The following NME8 variants were observed in gnomAD, a reference collection of about 807,000 sequenced individuals.
NME8 encodes the protein NME/NM23 family member 8.
NME8 carries 72 observed loss-of-function variants against 82.3 expected under a neutral mutation model. The ratio of observed to expected loss-of-function variants is 0.87; its 90% CI spans 0.72 to 1.06. The LOEUF (loss-of-function observed/expected upper bound fraction) is 1.06. Ranked by LOEUF, NME8 falls within the 50% of genes least tolerant of loss-of-function variation. The pLI, the probability that NME8 is intolerant of heterozygous loss-of-function variation, is 0.00. For missense variants in NME8, 712 were observed against 685.4 expected, an observed-to-expected ratio of 1.04 and a Z score of -0.43; for synonymous variants, 267 against 228.5, an observed-to-expected ratio of 1.17 and a Z score of -1.52.
intron 5 of NME8, among the ~76,000 whole-genome samples, chr7:37,851,440 T>G (rs948615611): frequency 6.6e-6 from 1 of 152,196 alleles, no homozygotes; most frequent in Non-Finnish European, 1.5e-5. Flanking sequence ...ACTACTTAAC[T>G]GTAAATGTTA....
At chr7:37,861,922 G>T in intron 6 of NME8, 106 bp from the exon 7 acceptor site, 1 of 796,980 alleles carries the variant, frequency 1.3e-6, no homozygotes, top group Non-Finnish European at 2.3e-6. Context: ...GATTCATGAG[G>T]ATGAGAGTAG....
At chr7:37,866,324 C>T (rs777463178) in intron 10 of NME8, among the ~76,000 whole-genome samples, 1 of 152,144 alleles carries the variant, frequency 6.6e-6, no homozygotes, top group Admixed American at 6.6e-5. Context: ...AGAGCATGTA[C>T]GTCATCACAT....
intron 5 of NME8, among the ~76,000 whole-genome samples, chr7:37,854,021 C>T (rs1583625428): frequency 6.6e-6 from 1 of 150,772 alleles, no homozygotes; most frequent in East Asian, 1.9e-4. Context: ...TAGAGTTGAC[C>T]CTTACCAATG....
In NME8 at chr7:37,867,573, A is replaced by T; in HGVS notation, c.622-129A>T. ...AAAATGTATTGTTAACAGGAGATTT[A>T]TAAGAGTAACATTCCTTTGCCCAGG... On this transcript the variant is annotated intron_variant, in intron 10 of 17. Transcript: ENST00000199447. 1.2e-5 allele frequency: 9 copies of T among 728,076 alleles called. 2 individuals carry two copies. The South Asian group carries it at 1.4e-4, about 11-fold the overall frequency. The allele number at this position is 728,076 out of a possible 1,614,324, so 45.1% of individuals were successfully genotyped here. A position where few individuals can be genotyped will look rare whatever the true frequency, so the allele number is the denominator to read the frequency against.
At chr7:37,878,823 A>G (rs1466915958) in intron 12 of NME8, among the ~76,000 whole-genome samples, 1 of 152,204 alleles carries the variant, frequency 6.6e-6, no homozygotes, top group African/African-American at 2.4e-5. Flanking sequence ...AACATCATGT[A>G]TTACTGTGAT....
At chr7:37,898,894 TA>T (rs1227058042) in intron 17 of NME8, among the ~76,000 whole-genome samples, 3 of 151,812 alleles carry the variant, frequency 2.0e-5, no homozygotes, top group Non-Finnish European at 4.4e-5. Context: ...ATTGCCAGGA[TA>T]AAAAAAATAG....
chr7:37,858,039 A>G (rs1001416157), intron 6 of NME8, among the ~76,000 whole-genome samples: 10 of 152,214 alleles, frequency 6.6e-5, no homozygotes, highest in Admixed American at 2.6e-4. Flanking sequence ...TCCATTTTCA[A>G]AAATAAGTAA....
intron 15 of NME8, 56 bp downstream of exon 15, chr7:37,888,484 T>A: frequency 1.3e-6 from 2 of 1,526,942 alleles, no homozygotes; most frequent in Non-Finnish European, 1.8e-6. Flanking sequence ...TTTGTGAACA[T>A]TTAAAAAATT....
At chr7:37,862,838 G>T (rs575540362) in intron 7 of NME8, among the ~76,000 whole-genome samples, 2 of 151,958 alleles carry the variant, frequency 1.3e-5, no homozygotes, top group Non-Finnish European at 2.9e-5. Flanking sequence ...TTTAAGGTTT[G>T]GCTGGGTGCG....
chr7:37,861,971 A>C, intron 6 of NME8, 57 bp from the exon 7 acceptor site: 2 of 1,042,314 alleles, frequency 1.9e-6, no homozygotes, highest in Non-Finnish European at 1.5e-6. Context: ...TTTAAGTGTT[A>C]GTTCTTGGTG....
At chr7:37,898,305 C>G (rs1381138020) in intron 17 of NME8, among the ~76,000 whole-genome samples, 1 of 152,156 alleles carries the variant, frequency 6.6e-6, no homozygotes, top group Non-Finnish European at 1.5e-5. Flanking sequence ...TCTGGATAAT[C>G]ATTTGGCAGT....
chr7:37,877,448 C>T (rs949231067), intron 12 of NME8, among the ~76,000 whole-genome samples: 1 of 152,052 alleles, frequency 6.6e-6, no homozygotes, highest in Admixed American at 6.6e-5. Flanking sequence ...TAATCTCATC[C>T]CATATTCTTA....
intron 5 of NME8, among the ~76,000 whole-genome samples, chr7:37,856,855 G>A (rs1784519336): frequency 6.6e-6 from 1 of 152,118 alleles, no homozygotes; most frequent in Admixed American, 6.6e-5. Context: ...AGGTGTAACA[G>A]GCCCACACGT....
At chr7:37,870,324 C>T (rs772138758) in intron 11 of NME8, among the ~76,000 whole-genome samples, 25 of 151,882 alleles carry the variant, frequency 1.6e-4, no homozygotes, top group African/African-American at 4.6e-4. Flanking sequence ...GGTGCGGTGG[C>T]TCATGCTTGT....
chr7:37,873,110 G>C (rs941470864), intron 11 of NME8, among the ~76,000 whole-genome samples: 5 of 152,306 alleles, frequency 3.3e-5, no homozygotes, highest in Non-Finnish European at 5.9e-5. Context: ...TTATGGGCCA[G>C]ATGCCGTGGC....
In NME8 at chr7:37,857,190, A is replaced by C. The variant is rs1464975240; in HGVS notation, c.199-84A>C. 7 of 1,053,596 alleles carry C rather than the reference A, an allele frequency of 6.6e-6. No individual in the cohort carries two copies. In the Admixed American group the frequency reaches 1.1e-4, roughly 17 times the overall value. 65.3% of individuals were successfully genotyped at this position (1,053,596 alleles called of 1,614,324 possible). A position where few individuals can be genotyped will look rare whatever the true frequency, so the allele number is the denominator to read the frequency against. On this transcript the variant is annotated intron_variant, in intron 5 of 17. Coordinates refer to ENST00000199447, the MANE Select transcript of NME8 (RefSeq NM_016616.5). ...TGCAGTAAACCTAAAAATTATATATATCTCTGCATTGTTTCAACATAGTGT... is the reference window on the plus strand; with the variant it reads ...TGCAGTAAACCTAAAAATTATATATCTCTCTGCATTGTTTCAACATAGTGT...
chr7:37,867,832 G>A lies in NME8; in HGVS notation c.752G>A (p.Arg251Gln), dbSNP rs201987014. 47 of 1,613,826 alleles carry A rather than the reference G, an allele frequency of 2.9e-5. No homozygotes were observed. The highest frequency in any genetic ancestry group is 3.6e-5 in the Non-Finnish European group (42 of 1,179,874). The change falls in exon 11 of 18, where the codon CGA (arginine) becomes CAA (glutamine). Residue 251 changes from arginine to glutamine, a missense_variant. Arg to Gln is a conservative substitution (Grantham distance 43, BLOSUM62 1). Transcript: ENST00000199447. ...EPQTDTEPNE[R>Q]SEDQPEVEAQ... The stretch of plus-strand genomic sequence containing the variant: ...CAGACTGACACCGAACCTAACGAAC[G>A]ATCTGAGGATCAACCTGAGGTCGAA...
chr7:37,882,585 AAGAAAGAAAGAAAG>A (rs1283310360), intron 12 of NME8, among the ~76,000 whole-genome samples: 119 of 55,088 alleles, frequency 2.2e-3, no homozygotes, highest in African/African-American at 8.1e-3. Flanking sequence ...GAAAGAAAGA[AAGAAAGAAAGAAAG>A]AGAGAGAGAG....
rs1784861115 is a variant in NME8 at position 37,876,866 on chromosome 7, C to T, written c.853C>T (p.Gln285Ter). Residue 285 changes from glutamine (Q) to a stop codon, truncating the protein, a stop_gained, in exon 12 of 18, where the codon CAG becomes TAG. Transcript: ENST00000199447. LOFTEE classifies it high-confidence loss of function. ...QEYLERQHLA[Q>*]LCDIEEDAAN... ...ATATCTGGAAAGACAACATTTAGCT[C>T]AGCTCTGTGACATTGAAGAGGATGC... The T allele has an allele frequency of 6.2e-7, 1 of 1,612,866 alleles. No homozygotes were observed. Among genetic ancestry groups the T allele is most frequent in the African/African-American group, 1.3e-5 (1 of 74,992 alleles).
Sources: gnomAD v4.1 joint callset for allele counts (sites outside exome capture counted in the v4.1 genomes callset) on GRCh38, gnomAD v4.1.1 for gene constraint, MANE v1.5 for transcripts, NCBI Gene and HGNC (gene_info 2026-07-23, HGNC 2026-07-21) for gene names.